Variants in FRMD4B observed in about 807,000 individuals in gnomAD.
FRMD4B encodes the protein FERM domain containing 4B.
In FRMD4B, 74 loss-of-function variants were observed where a neutral mutation model predicts 141.5. The observed-to-expected ratio is 0.52, with a 90% CI of 0.43 to 0.63. The LOEUF (loss-of-function observed/expected upper bound fraction) is 0.63. Among genes scored for constraint, FRMD4B ranks in the 30% least tolerant of loss-of-function variants. The probability of loss-of-function intolerance (pLI) is 0.00; values close to 1 mark genes in which losing one functional copy is unlikely to be tolerated. For missense variants in FRMD4B, 1,366 were observed against 1,253.4 expected (o/e 1.09, Z -1.36); for synonymous variants, 506 against 467.9 (o/e 1.08, Z -1.05).
upstream of FRMD4B, among the ~76,000 whole-genome samples, chr3:69,390,183 G>A (rs1025847042): frequency 2.0e-5 from 3 of 152,190 alleles, no homozygotes; most frequent in Non-Finnish European, 2.9e-5. Context: ...TAGGAAGAAA[G>A]AGCAAGTTAG....
intron 4 of FRMD4B, among the ~76,000 whole-genome samples, chr3:69,295,657 T>A (rs1365289999): frequency 6.6e-6 from 1 of 152,022 alleles, no homozygotes; most frequent in Non-Finnish European, 1.5e-5. Flanking sequence ...AGACCAGGGA[T>A]GCTGCTAAAG....
At chr3:69,288,410 C>A (rs1700765469) in intron 4 of FRMD4B, among the ~76,000 whole-genome samples, 1 of 152,264 alleles carries the variant, frequency 6.6e-6, no homozygotes, top group Admixed American at 6.5e-5. Context: ...CAAAGCCAGG[C>A]TCTCAGCAGC....
At chr3:69,417,331 G>C (rs1704885191) in intron 2 of FRMD4B, among the ~76,000 whole-genome samples, 2 of 152,084 alleles carry the variant, frequency 1.3e-5, no homozygotes, top group South Asian at 4.1e-4. Flanking sequence ...TCATATGTTT[G>C]TTGGCTGCAT....
chr3:69,324,667 T>C (rs1270325754), intron 1 of FRMD4B, among the ~76,000 whole-genome samples: 3 of 152,114 alleles, frequency 2.0e-5, no homozygotes, highest in Admixed American at 2.0e-4. Flanking sequence ...AAAAAGAAAC[T>C]AGTAACAATT....
At chr3:69,288,773 C>T (rs1700780870) in intron 4 of FRMD4B, among the ~76,000 whole-genome samples, 1 of 152,210 alleles carries the variant, frequency 6.6e-6, no homozygotes, top group Non-Finnish European at 1.5e-5. Flanking sequence ...AGGGAATTTA[C>T]TCTCAGATCA....
chr3:69,226,365 C>G (rs2093253995), intron 7 of FRMD4B, among the ~76,000 whole-genome samples: 1 of 151,954 alleles, frequency 6.6e-6, no homozygotes, highest in Admixed American at 6.6e-5. Flanking sequence ...ACTGTCAACT[C>G]CCAGTATATT....
At chr3:69,472,938 C>CTTTTTTTTTTTTTT (rs71618285) in intron 1 of FRMD4B, among the ~76,000 whole-genome samples, 8 of 108,306 alleles carry the variant, frequency 7.4e-5, no homozygotes, top group South Asian at 3.2e-4. Context: ...TTTTTTTTTT[C>CTTTTTTTTTTTTTT]TTTTTTTTTT....
intron 9 of FRMD4B, among the ~76,000 whole-genome samples, chr3:69,220,668 A>G (rs1248495020): frequency 3.3e-5 from 5 of 152,160 alleles, no homozygotes; most frequent in African/African-American, 9.6e-5. Flanking sequence ...CCAGGCCAAC[A>G]TGGGGAAACC....
intron 1 of FRMD4B, among the ~76,000 whole-genome samples, chr3:69,518,367 T>C (rs1205247792): frequency 6.6e-6 from 1 of 152,186 alleles, no homozygotes; most frequent in Non-Finnish European, 1.5e-5. Flanking sequence ...CTTCTTAATG[T>C]AAAGCTAAGT....
Position 69,294,774 on chromosome 3 carries a change from TC to T in FRMD4B, c.417-6939del, listed in dbSNP as rs200128122. Among the ~76,000 whole-genome samples, 254 of 152,302 alleles carry T rather than the reference TC, an allele frequency of 1.7e-3. 8 individuals are homozygous for T. In the East Asian group the frequency reaches 0.045, roughly 27 times the overall value. The stretch of plus-strand genomic sequence containing the variant: ...CATGTGAATTCCAAGTGCTTGCCTC[TC>T]CTCTGCTTTAAAACAGCCTGCTCTA... On this transcript the variant is annotated intron_variant, in intron 4 of 22. Transcript: ENST00000398540.
intron 1 of FRMD4B, among the ~76,000 whole-genome samples, chr3:69,537,361 C>T (rs75426361): frequency 6.6e-6 from 1 of 152,156 alleles, no homozygotes; most frequent in Non-Finnish European, 1.5e-5. Context: ...CAAATAAAGA[C>T]CTCAAGGCTG....
chr3:69,471,741 G>T, intron 1 of FRMD4B: 1 of 156,812 alleles, frequency 6.4e-6, no homozygotes, highest in South Asian at 1.8e-4. Context: ...GTACTTTTTA[G>T]ACAAATTGTG....
chr3:69,540,656 TATATACACACACACAC>T (rs1329268021), intron 1 of FRMD4B, among the ~76,000 whole-genome samples: 8 of 75,542 alleles, frequency 1.1e-4, no homozygotes, highest in African/African-American at 5.8e-4. Flanking sequence ...TATATATATA[TATATACACACACACAC>T]ACACACACAC....
chr3:69,490,252 T>C (rs538348797), intron 1 of FRMD4B, among the ~76,000 whole-genome samples: 8 of 152,356 alleles, frequency 5.3e-5, no homozygotes, highest in African/African-American at 1.7e-4. Context: ...TATATCCCAA[T>C]GAAAGCTTAA....
intron 22 of FRMD4B, among the ~76,000 whole-genome samples, chr3:69,176,317 A>C (rs1575579551): frequency 1.3e-5 from 2 of 152,212 alleles, no homozygotes; most frequent in East Asian, 3.8e-4. Context: ...TCATAGTGCA[A>C]AAACAGCCAT....
chr3:69,375,456 G>C (rs1339001442), intron 1 of FRMD4B, among the ~76,000 whole-genome samples: 1 of 143,074 alleles, frequency 7.0e-6, no homozygotes, highest in Non-Finnish European at 1.5e-5. Flanking sequence ...TTTGATGTAG[G>C]CACTATAATT....
At chr3:69,339,204 A>T (rs964125260) in intron 1 of FRMD4B, among the ~76,000 whole-genome samples, 4 of 152,098 alleles carry the variant, frequency 2.6e-5, no homozygotes, top group African/African-American at 9.7e-5. Context: ...CTATTGGCCT[A>T]GAAAATGAAA....
chr3:69,494,067 A>T (rs1706346725), intron 1 of FRMD4B, among the ~76,000 whole-genome samples: 1 of 152,192 alleles, frequency 6.6e-6, no homozygotes, highest in African/African-American at 2.4e-5. Flanking sequence ...ATTTGTAGAG[A>T]CAGGGTCTTG....
intron 7 of FRMD4B, among the ~76,000 whole-genome samples, chr3:69,232,054 A>G (rs570609884): frequency 1.3e-5 from 2 of 152,290 alleles, no homozygotes; most frequent in African/African-American, 4.8e-5. Flanking sequence ...ATGAGTCAGG[A>G]TCAACCTCAG....
Sources: allele counts gnomAD v4.1 joint callset (sites outside exome capture counted in the v4.1 genomes callset), GRCh38; gene constraint gnomAD v4.1.1; transcripts MANE v1.5; gene names NCBI Gene and HGNC (gene_info 2026-07-23, HGNC 2026-07-21).